MYOCD: variants seen among roughly 807,000 people sequenced by gnomAD.
MYOCD encodes myocardin.
In MYOCD, 32 loss-of-function variants were observed where a neutral mutation model predicts 96.1. That is an observed-to-expected ratio of 0.33 (90% CI 0.25 to 0.45). MYOCD has a LOEUF of 0.45. Among genes scored for constraint, MYOCD ranks in the 20% least tolerant of loss-of-function variants. MYOCD has a pLI of 1.00. For missense variants in MYOCD, 1,133 were observed against 1,200.6 expected (o/e 0.94, Z 0.83); for synonymous variants, 469 against 469.0 (o/e 1.00, Z 0.00).
At position 12,765,907 on chromosome 17, in the gene MYOCD, A is replaced by T. The variant is rs1257227319; in HGVS notation, c.*2263A>T. ...AAGAAAATCATTTTACATTCCTTTT[A>T]TCTGTATTGTGCTTTAAAAGATCCA... is the stretch of plus-strand genomic sequence containing the variant. On this transcript the variant is annotated 3_prime_UTR_variant, in exon 14 of 14. Coordinates refer to ENST00000425538, the MANE Select transcript of MYOCD (RefSeq NM_001146312.3). 1 of 152,216 alleles carries T rather than the reference A, an allele frequency of 6.6e-6. No individual in the cohort carries two copies. Among genetic ancestry groups the T allele is most frequent in the Admixed American group, 6.5e-5 (1 of 15,286 alleles). 9.4% of individuals were successfully genotyped at this position (152,216 alleles called of 1,614,324 possible).
intron 1 of MYOCD, among the ~76,000 whole-genome samples, chr17:12,679,546 C>CTACATT (rs1392027687): frequency 1.3e-5 from 2 of 151,932 alleles, no homozygotes; most frequent in Non-Finnish European, 2.9e-5. Flanking sequence ...GTTAATATAC[C>CTACATT]TACATTTATA....
rs11307445 is a variant in MYOCD at position 12,756,695 on chromosome 17, C to CAAAAAAAAAAAAA, written c.2202+145_2202+157dup. 775 of 142,066 alleles carry CAAAAAAAAAAAAA rather than the reference C, an allele frequency of 5.5e-3. 13 individuals are homozygous for CAAAAAAAAAAAAA. The highest frequency in any genetic ancestry group is 7.1e-3 in the Non-Finnish European group (586 of 82,770). The allele number at this position is 142,066 out of a possible 1,614,324, so 8.8% of individuals were successfully genotyped here. Reference sequence around the variant, plus strand: ...CAGGTGACAGAGCGAGACTGCATCTCAAAAAAAAAAAAAAAAAAAGAATAA... The same window carrying CAAAAAAAAAAAAA: ...CAGGTGACAGAGCGAGACTGCATCTCAAAAAAAAAAAAAAAAAAAAAAAAAAAAAAAAGAATAA... On this transcript the variant is annotated intron_variant, in intron 11 of 13. Coordinates refer to ENST00000425538, the MANE Select transcript of MYOCD (RefSeq NM_001146312.3).
chr17:12,717,112 A>G (rs1403431080), intron 3 of MYOCD, among the ~76,000 whole-genome samples: 1 of 151,886 alleles, frequency 6.6e-6, no homozygotes, highest in East Asian at 1.9e-4. Context: ...CTGTCCCTGA[A>G]AAAGCTTTAG....
chr17:12,684,452 C>A (rs1391671116), intron 1 of MYOCD, among the ~76,000 whole-genome samples: 1 of 152,186 alleles, frequency 6.6e-6, no homozygotes, highest in African/African-American at 2.4e-5. Context: ...AAATAGGAAC[C>A]TTTTCCTTGA....
In MYOCD at chr17:12,736,228, G is replaced by C; in HGVS notation, c.483G>C (p.Gly161=). 1 of 1,614,190 alleles carries C rather than the reference G, an allele frequency of 6.2e-7. No individual in the cohort carries two copies. The highest frequency in any genetic ancestry group is 8.5e-7 in the Non-Finnish European group (1 of 1,180,028). Reference sequence around the variant, plus strand: ...TTGAAGAGGACAGCAGCAGCGATGGGCTTTCTCCGGATCAGACTCGAAGTG... The same window carrying C: ...TTGAAGAGGACAGCAGCAGCGATGGCCTTTCTCCGGATCAGACTCGAAGTG... ...FAFEEDSSSD[G]LSPDQTRSED... The change falls in exon 6 of 14, where the codon GGG becomes GGC. Residue 161 remains glycine, a synonymous_variant. Transcript: ENST00000425538.
chr17:12,677,119 G>A (rs1263917147), intron 1 of MYOCD, among the ~76,000 whole-genome samples: 1 of 152,134 alleles, frequency 6.6e-6, no homozygotes, highest in East Asian at 1.9e-4. Flanking sequence ...GTTGGAGCTG[G>A]AGGCCATTAT....
chr17:12,666,136 G>T lies in MYOCD; in HGVS notation c.-53G>T. On this transcript the variant is annotated 5_prime_UTR_variant, in exon 1 of 14. Transcript: ENST00000425538. ...CTGGGCTCCCGGGAGCCTGTTGCTG[G>T]TGGAGAACAGGGGGCGCCTGGCCAA... 2.8e-6 allele frequency: 4 copies of T among 1,432,298 alleles called. No homozygotes were observed. Among genetic ancestry groups the T allele is most frequent in the Non-Finnish European group, 3.9e-6 (4 of 1,016,598 alleles). The allele number at this position is 1,432,298 out of a possible 1,614,324, so 88.7% of individuals were successfully genotyped here.
In MYOCD at chr17:12,752,833, C is replaced by G. The variant is rs201624113; in HGVS notation, c.1545C>G (p.Ser515=). The part of the protein sequence containing the change: ...SVPSELDGLD[S]EKDKMLVEKQ... Reference sequence around the variant, plus strand: ...CTTCTGAGCTGGATGGGCTGGACTCCGAGAAGGACAAGATGCTGGTGGAGA... The same window carrying G: ...CTTCTGAGCTGGATGGGCTGGACTCGGAGAAGGACAAGATGCTGGTGGAGA... Residue 515 remains serine (S), a synonymous_variant, in exon 10 of 14, where the codon TCC becomes TCG. Transcript: ENST00000425538. 1.2e-6 allele frequency: 2 copies of G among 1,613,810 alleles called. No individual in the cohort carries two copies. The highest frequency in any genetic ancestry group is 1.3e-5 in the African/African-American group (1 of 74,862).
At chr17:12,686,207 A>G (rs1189264678) in intron 1 of MYOCD, among the ~76,000 whole-genome samples, 1 of 152,238 alleles carries the variant, frequency 6.6e-6, no homozygotes, top group African/African-American at 2.4e-5. Flanking sequence ...CCTTGGTCAA[A>G]AATGAAGCCA....
Position 12,753,189 on chromosome 17 carries a change from C to G in MYOCD, c.1901C>G (p.Ser634Cys). Residue 634 changes from serine to cysteine, a missense_variant, in exon 10 of 14, where the codon TCC (serine) becomes TGC (cysteine). Transcript: ENST00000425538. ...LSSTFLSPQC[S>C]PQHSPLGAVK... ...TCCACATTTCTCAGCCCCCAGTGTT[C>G]CCCTCAGCATTCACCGCTGGGGGCT... The G allele has an allele frequency of 1.9e-6, 3 of 1,614,156 alleles. No homozygotes were observed. The South Asian group carries it at 3.3e-5, about 18-fold the overall frequency.
Position 12,691,743 on chromosome 17 carries a change from C to T in MYOCD, c.56-13385C>T, listed in dbSNP as rs147900162. On this transcript the variant is annotated intron_variant, in intron 1 of 13. Transcript: ENST00000425538. ...TTTTCTCATCCAAATATTAATAGTT[C>T]CATTTGGAACTTACACTCATGAGAT... Among the ~76,000 whole-genome samples, 286 of 152,218 alleles carry T rather than the reference C, an allele frequency of 1.9e-3. 2 individuals carry two copies. Among genetic ancestry groups the T allele is most frequent in the Non-Finnish European group, 1.3e-3 (87 of 68,018 alleles).
intron 1 of MYOCD, among the ~76,000 whole-genome samples, chr17:12,680,658 T>A (rs530228959): frequency 6.6e-6 from 1 of 152,284 alleles, no homozygotes; most frequent in South Asian, 2.1e-4. Flanking sequence ...ACAGAATACA[T>A]AAACAAGTGG....
At chr17:12,737,159 G>A (rs938488168) in intron 6 of MYOCD, among the ~76,000 whole-genome samples, 1 of 152,126 alleles carries the variant, frequency 6.6e-6, no homozygotes, top group Non-Finnish European at 1.5e-5. Flanking sequence ...GGAGGCTGAG[G>A]CAGGAGAATC....
intron 9 of MYOCD, among the ~76,000 whole-genome samples, chr17:12,749,959 C>T (rs1420116457): frequency 6.6e-6 from 1 of 152,030 alleles, no homozygotes; most frequent in East Asian, 1.9e-4. Flanking sequence ...ACGCCTTTCT[C>T]CTGCCTCAGC....
At chr17:12,745,831 C>T in intron 8 of MYOCD, 88 bp from the exon 9 acceptor site, 1 of 1,394,800 alleles carries the variant, frequency 7.2e-7, no homozygotes. Context: ...CTGACCCTTG[C>T]AGGCAATCAC....
intron 3 of MYOCD, among the ~76,000 whole-genome samples, chr17:12,716,131 AT>A (rs1283716851): frequency 6.6e-6 from 1 of 152,198 alleles, no homozygotes; most frequent in Non-Finnish European, 1.5e-5. Flanking sequence ...AATAAATACT[AT>A]TTAGCAAGTA....
chr17:12,675,908 AAAG>A (rs1411167435), intron 1 of MYOCD, among the ~76,000 whole-genome samples: 5 of 152,198 alleles, frequency 3.3e-5, no homozygotes, highest in African/African-American at 9.6e-5. Context: ...TACACAGAAA[AAAG>A]AAGTTTCAAA....
At chr17:12,762,890 G>A (rs2033220336) in intron 13 of MYOCD, 183 bp from the exon 14 acceptor site, 1 of 589,578 alleles carries the variant, frequency 1.7e-6, no homozygotes, top group East Asian at 2.9e-5. Flanking sequence ...AGAGGAAAGG[G>A]TTTGGGAAAA....
intron 1 of MYOCD, among the ~76,000 whole-genome samples, chr17:12,681,892 T>C (rs528267390): frequency 6.9e-4 from 105 of 152,264 alleles, no homozygotes; most frequent in African/African-American, 2.5e-3. Flanking sequence ...ATGTTATTCT[T>C]GGTCAGTGAA....
Sources: gnomAD v4.1 joint callset for allele counts (sites outside exome capture counted in the v4.1 genomes callset) on GRCh38, gnomAD v4.1.1 for gene constraint, MANE v1.5 for transcripts, NCBI Gene and HGNC (gene_info 2026-07-23, HGNC 2026-07-21) for gene names.